Variants in GRIN2A observed in about 807,000 individuals in gnomAD.
GRIN2A encodes the protein glutamate ionotropic receptor NMDA type subunit 2A, also known as glutamate receptor ionotropic, NMDA 2A.
GRIN2A carries 22 observed loss-of-function variants against 113.4 expected under a neutral mutation model. That is an observed-to-expected ratio of 0.19 (90% CI 0.14 to 0.28). GRIN2A has a LOEUF of 0.28. Ranked by LOEUF, GRIN2A falls within the 10% of genes least tolerant of loss-of-function variation. The pLI, the probability that GRIN2A is intolerant of heterozygous loss-of-function variation, is 1.00. For synonymous variants in GRIN2A, 827 were observed against 738.4 expected (o/e 1.12, Z -1.94); for missense variants, 1,502 against 1,887.0 (o/e 0.80, Z 3.78).
chr16:10,130,742 C>T (rs1307468039), intron 2 of GRIN2A, among the ~76,000 whole-genome samples: 1 of 152,230 alleles, frequency 6.6e-6, no homozygotes, highest in Non-Finnish European at 1.5e-5. Flanking sequence ...CCTGCAACTT[C>T]TCGTCTCCAG....
intron 2 of GRIN2A, among the ~76,000 whole-genome samples, chr16:10,099,746 C>T (rs944859478): frequency 1.3e-5 from 2 of 152,314 alleles, no homozygotes; most frequent in East Asian, 1.9e-4. Flanking sequence ...ACCTTCAGGA[C>T]CCTCCTTCAC....
intron 3 of GRIN2A, among the ~76,000 whole-genome samples, chr16:9,900,445 C>T (rs1450852916): frequency 6.6e-6 from 1 of 152,184 alleles, no homozygotes; most frequent in East Asian, 1.9e-4. Flanking sequence ...ACCCTATATG[C>T]TGTCTTTTGT....
chr16:9,992,027 C>T (rs559304895), intron 2 of GRIN2A, among the ~76,000 whole-genome samples: 2 of 152,256 alleles, frequency 1.3e-5, no homozygotes, highest in East Asian at 1.9e-4. Flanking sequence ...TGTAACAAAA[C>T]TGCACGTTCT....
intron 9 of GRIN2A, among the ~76,000 whole-genome samples, chr16:9,826,344 T>C (rs1028339294): frequency 2.6e-5 from 4 of 152,138 alleles, no homozygotes; most frequent in Non-Finnish European, 4.4e-5. Flanking sequence ...CCTATCAACA[T>C]TGCAATTTTC....
At chr16:9,855,819 T>G (rs2042957579) in intron 4 of GRIN2A, among the ~76,000 whole-genome samples, 1 of 152,212 alleles carries the variant, frequency 6.6e-6, no homozygotes, top group African/African-American at 2.4e-5. Flanking sequence ...AGGATGGTTC[T>G]GAGAACCAGT....
chr16:9,842,148 G>C (rs557025403), intron 5 of GRIN2A, among the ~76,000 whole-genome samples: 6 of 152,280 alleles, frequency 3.9e-5, no homozygotes, highest in African/African-American at 1.4e-4. Flanking sequence ...ATACTCAGGA[G>C]GCTGAGGCAT....
At chr16:9,777,743 T>C (rs1901688928) in intron 11 of GRIN2A, among the ~76,000 whole-genome samples, 1 of 152,198 alleles carries the variant, frequency 6.6e-6, no homozygotes, top group Non-Finnish European at 1.5e-5. Flanking sequence ...TGGGGGATTT[T>C]ATGCACACAG....
chr16:9,937,535 A>T (rs1257415139), intron 3 of GRIN2A, among the ~76,000 whole-genome samples: 1 of 152,170 alleles, frequency 6.6e-6, no homozygotes, highest in Non-Finnish European at 1.5e-5. Flanking sequence ...TAACTCGTAA[A>T]TTCCTACCAT....
At chr16:10,179,454 G>T in intron 2 of GRIN2A, 1 of 166,698 alleles carries the variant, frequency 6.0e-6, no homozygotes. Flanking sequence ...AGAGTCAGAG[G>T]AAGCATGACA....
chr16:10,152,983 A>G (rs2049615181), intron 2 of GRIN2A, among the ~76,000 whole-genome samples: 2 of 152,172 alleles, frequency 1.3e-5, no homozygotes, highest in South Asian at 2.1e-4. Context: ...TTTTCATGAA[A>G]TTACTCTGTA....
At chr16:10,066,061 A>T (rs996725245) in intron 2 of GRIN2A, among the ~76,000 whole-genome samples, 1 of 152,222 alleles carries the variant, frequency 6.6e-6, no homozygotes, top group Non-Finnish European at 1.5e-5. Flanking sequence ...ACACTTCCAT[A>T]GTCCATCTCA....
Position 10,034,578 on chromosome 16 carries a change from G to T in GRIN2A, c.415-96027C>A, listed in dbSNP as rs1288468568. ...AAAAAAAAAAAACTGGCTCAGAACT[G>T]ATGGAGCCACACTTTGAGAAGGATG... On this transcript the variant is annotated intron_variant, in intron 2 of 12. Transcript: ENST00000330684. Among the ~76,000 whole-genome samples the T allele has an allele frequency of 3.6e-5, 5 of 137,334 alleles. No homozygotes were observed. The Admixed American group carries it at 3.8e-4, about 10-fold the overall frequency. The allele number at this position is 137,334 out of a possible 152,430, so 90.1% of individuals were successfully genotyped here. A position where few individuals can be genotyped will look rare whatever the true frequency, so the allele number is the denominator to read the frequency against.
At chr16:9,988,278 T>TGTGCGTGTGTGC (rs750244883) in intron 2 of GRIN2A, among the ~76,000 whole-genome samples, 3 of 111,228 alleles carry the variant, frequency 2.7e-5, no homozygotes, top group Admixed American at 2.5e-4. Context: ...GGTGTGTGTG[T>TGTGCGTGTGTGC]GTGTGCGTGT....
At chr16:9,771,843 A>G (rs1309258270) in intron 11 of GRIN2A, among the ~76,000 whole-genome samples, 1 of 152,200 alleles carries the variant, frequency 6.6e-6, no homozygotes, top group Non-Finnish European at 1.5e-5. Context: ...TTTAAGTAGC[A>G]TACATTTGAA....
At chr16:10,142,765 TC>T (rs1317873530) in intron 2 of GRIN2A, among the ~76,000 whole-genome samples, 3 of 152,156 alleles carry the variant, frequency 2.0e-5, no homozygotes, top group Admixed American at 2.0e-4. Flanking sequence ...ACCTAGCTTC[TC>T]TCAAGTCCCT....
At chr16:9,878,348 T>A (rs543699059) in intron 4 of GRIN2A, among the ~76,000 whole-genome samples, 1 of 152,236 alleles carries the variant, frequency 6.6e-6, no homozygotes, top group Non-Finnish European at 1.5e-5. Flanking sequence ...AACATGAGGA[T>A]AGAAATAATT....
intron 2 of GRIN2A, among the ~76,000 whole-genome samples, chr16:10,087,765 T>C (rs2048110007): frequency 6.6e-6 from 1 of 152,070 alleles, no homozygotes; most frequent in Non-Finnish European, 1.5e-5. Flanking sequence ...TCTCAGCTCA[T>C]TGCAGCCTCC....
In GRIN2A at chr16:10,154,896, A is replaced by T. The variant is rs189453172; in HGVS notation, c.414+25102T>A. On this transcript the variant is annotated intron_variant, in intron 2 of 12. Transcript: ENST00000330684. ...AGGGCAATGGTTTTTGTCATATTTT[A>T]TCAAGCCAACAAGAACAAGTGTTGT... 8.5e-5 allele frequency among the ~76,000 whole-genome samples: 13 copies of T among 152,324 alleles called. No homozygotes were observed. In the East Asian group the frequency reaches 2.1e-3, roughly 25 times the overall value.
chr16:9,911,515 T>C (rs927042565), intron 3 of GRIN2A, among the ~76,000 whole-genome samples: 2 of 152,178 alleles, frequency 1.3e-5, no homozygotes, highest in Admixed American at 1.3e-4. Context: ...GGCATAATCA[T>C]AGCAGCCATG....
Sources: allele counts gnomAD v4.1 joint callset (sites outside exome capture counted in the v4.1 genomes callset), GRCh38; gene constraint gnomAD v4.1.1; transcripts MANE v1.5; gene names NCBI Gene and HGNC (gene_info 2026-07-23, HGNC 2026-07-21).